Variants in TEX2 observed in about 807,000 individuals in gnomAD.
TEX2 encodes testis-expressed protein 2.
TEX2 carries 53 observed loss-of-function variants against 106.9 expected under a neutral mutation model. That is an observed-to-expected ratio of 0.50 (90% CI 0.40 to 0.62). The LOEUF is 0.62. Among genes scored for constraint, TEX2 ranks in the 20% least tolerant of loss-of-function variants. TEX2 has a pLI of 0.00. For synonymous variants in TEX2, 523 were observed against 534.8 expected, an observed-to-expected ratio of 0.98 and a Z score of 0.30; for missense variants, 1,207 against 1,379.0, an observed-to-expected ratio of 0.88 and a Z score of 1.98.
In TEX2 at chr17:64,225,551, C is replaced by A. The variant is rs367686122; in HGVS notation, c.-25-11309G>T. Among the ~76,000 whole-genome samples the A allele has an allele frequency of 5.5e-4, 83 of 152,202 alleles. No homozygotes were observed. In the South Asian group the frequency reaches 0.017, roughly 30 times the overall value. On this transcript the variant is annotated intron_variant, in intron 1 of 11. Transcript: ENST00000584379. ...GTACTTTTCACCAATCATTCCTAAACCGTAGGCTCTTGAGAAATCTGAAAA... is the reference window on the plus strand; with the variant it reads ...GTACTTTTCACCAATCATTCCTAAAACGTAGGCTCTTGAGAAATCTGAAAA...
intron 1 of TEX2, among the ~76,000 whole-genome samples, chr17:64,240,233 ATG>A (rs67965706): frequency 0.01 from 1,496 of 146,934 alleles, 9 homozygotes; most frequent in African/African-American, 0.02. Flanking sequence ...GTATATGCAG[ATG>A]TGTGTGTGTG....
rs746082100 is a variant in TEX2, at chr17:64,153,031, G to A, written c.3054C>T (p.Asn1018=). The A allele has an allele frequency of 1.4e-5, 22 of 1,614,076 alleles. No individual in the cohort carries two copies. The highest frequency in any genetic ancestry group is 1.2e-4 in the Admixed American group (7 of 60,004). ...FIKKKIEEVS[N]TPLLLTVEVQ... ...CTTCAACAGTGAGCAGCAGGGGTGT[G>A]TTGGAGACTTCTTCGATCTTCTTTT... Residue 1018 remains asparagine, a synonymous_variant, in exon 10 of 12, where the codon AAC becomes AAT. Transcript: ENST00000584379. The surrounding 1 kb of genome is among the most constrained non-coding windows in gnomAD (Gnocchi z 4.1).
intron 1 of TEX2, among the ~76,000 whole-genome samples, chr17:64,247,888 C>A (rs1273359715): frequency 6.6e-6 from 1 of 152,136 alleles, no homozygotes; most frequent in African/African-American, 2.4e-5. Context: ...TCCCCCTCCC[C>A]AAGATTAAAA....
chr17:64,225,218 G>A (rs1475379866), intron 1 of TEX2, among the ~76,000 whole-genome samples: 1 of 152,088 alleles, frequency 6.6e-6, no homozygotes, highest in Non-Finnish European at 1.5e-5. Flanking sequence ...CTGAGAAGCC[G>A]AGGCGGGAGG....
rs2143093224 is a variant in TEX2 at position 64,213,841 on chromosome 17, ACTTGTG to A, written c.371_376del (p.Ala124_Gln125del). ...CACAGCCAATGGCACTGTACTTAAT[ACTTGTG>A]CTGCTGGAACAGGGGACTCCAACAG... On this transcript the variant is annotated inframe_deletion, in exon 2 of 12. Transcript: ENST00000584379. This position sits in a 1 kb window ranked among gnomAD's most constrained non-coding sequence, Gnocchi z 4.4. 1 of 1,614,164 alleles carries A rather than the reference ACTTGTG, an allele frequency of 6.2e-7. No homozygotes were observed. The highest frequency in any genetic ancestry group is 1.1e-5 in the South Asian group (1 of 91,082).
At chr17:64,238,970 T>C (rs1300532007) in intron 1 of TEX2, among the ~76,000 whole-genome samples, 1 of 152,238 alleles carries the variant, frequency 6.6e-6, no homozygotes, top group Non-Finnish European at 1.5e-5. Flanking sequence ...TTAGCTTTTA[T>C]TGAAGATTTA....
chr17:64,251,573 C>CA (rs2034092771), intron 1 of TEX2, among the ~76,000 whole-genome samples: 1 of 152,198 alleles, frequency 6.6e-6, no homozygotes, highest in African/African-American at 2.4e-5. Flanking sequence ...TTCGTAACTT[C>CA]AAAGTTCCCG....
Position 64,188,197 on chromosome 17 carries a change from C to G in TEX2, c.2395G>C (p.Ala799Pro). ...TTCCCAGCTGTGGGGCTGCTCTCCG[C>G]ACTCTGCAGGGGGCTCCTCTGGGGG... ...RSPQRSPLQS[A>P]ESSPTAGKKL... Residue 799 changes from alanine (A) to proline (P), a missense_variant, in exon 5 of 12, where the codon GCG (alanine) becomes CCG (proline). Physicochemically the swap from Ala to Pro is conservative, Grantham distance 27. Around this residue, in one of 3 missense-constraint regions of TEX2, gnomAD observed 1,067 missense variants for 1,193.6 expected, o/e 0.89. Transcript: ENST00000584379. 1 of 1,611,330 alleles carries G rather than the reference C, an allele frequency of 6.2e-7. No homozygotes were observed. Among genetic ancestry groups the G allele is most frequent in the African/African-American group, 1.3e-5 (1 of 75,024 alleles).
intron 8 of TEX2, among the ~76,000 whole-genome samples, chr17:64,159,790 AT>A: frequency 6.6e-6 from 1 of 152,386 alleles, no homozygotes; most frequent in East Asian, 1.9e-4. Flanking sequence ...GTTAGATTGC[AT>A]ATAGCTGGTA....
chr17:64,208,214 C>CTTTA (rs1555631026), intron 2 of TEX2, among the ~76,000 whole-genome samples: 1 of 151,868 alleles, frequency 6.6e-6, no homozygotes, highest in East Asian at 1.9e-4. Context: ...TTAGGAAAAG[C>CTTTA]TTTACTGTTT....
intron 6 of TEX2, among the ~76,000 whole-genome samples, chr17:64,175,598 T>C (rs1676747549): frequency 6.6e-6 from 1 of 152,152 alleles, no homozygotes; most frequent in Non-Finnish European, 1.5e-5. Context: ...GTTGTTGTTG[T>C]TTTTAGAGAT....
chr17:64,174,698 G>C (rs544050930), intron 6 of TEX2, among the ~76,000 whole-genome samples: 4 of 152,320 alleles, frequency 2.6e-5, no homozygotes, highest in African/African-American at 9.6e-5. Context: ...AGGCTGGTGG[G>C]TGCTAAGTTA....
intron 7 of TEX2, among the ~76,000 whole-genome samples, chr17:64,165,523 G>A (rs1340498482): frequency 3.3e-5 from 5 of 152,240 alleles, no homozygotes; most frequent in Admixed American, 6.5e-5. Context: ...ACGTGCTAGA[G>A]TATGGCCCTG....
intron 7 of TEX2, among the ~76,000 whole-genome samples, chr17:64,162,093 A>C (rs2030915676): frequency 6.6e-6 from 1 of 152,182 alleles, no homozygotes; most frequent in Admixed American, 6.5e-5. Context: ...ATGGAAGGTA[A>C]TTATTTTCCA....
intron 8 of TEX2, among the ~76,000 whole-genome samples, chr17:64,156,876 G>C (rs987887324): frequency 6.6e-6 from 1 of 152,246 alleles, no homozygotes; most frequent in Non-Finnish European, 1.5e-5. Flanking sequence ...TCATCTGGCA[G>C]CTCCAACCCT....
chr17:64,194,773 C>G, intron 3 of TEX2, 122 bp downstream of exon 3: 1 of 844,222 alleles, frequency 1.2e-6, no homozygotes, highest in Non-Finnish European at 1.9e-6. Flanking sequence ...GTACTGTCCC[C>G]TAAGGTATAC....
chr17:64,205,126 T>G lies in TEX2; in HGVS notation c.1644+7448A>C, dbSNP rs944400516. ...CTCCAACTTCAACACAAGGGGTACC[T>G]TCTGGTAAGTGAGGGCTGCCTGCAT... On this transcript the variant is annotated intron_variant, in intron 2 of 11. Coordinates refer to ENST00000584379, the MANE Select transcript of TEX2 (RefSeq NM_001288732.2). This position sits in a 1 kb window ranked among gnomAD's most constrained non-coding sequence, Gnocchi z 4.0. Among the ~76,000 whole-genome samples, 7 of 152,300 alleles carry G rather than the reference T, an allele frequency of 4.6e-5. No homozygotes were observed. Among genetic ancestry groups the G allele is most frequent in the Non-Finnish European group, 5.9e-5 (4 of 68,024 alleles).
chr17:64,207,400 T>G (rs2032866578), intron 2 of TEX2, among the ~76,000 whole-genome samples: 1 of 152,156 alleles, frequency 6.6e-6, no homozygotes, highest in African/African-American at 2.4e-5. Context: ...GAGATCTCGG[T>G]CGCAGGCAGG....
At chr17:64,206,384 C>T (rs1489511119) in intron 2 of TEX2, among the ~76,000 whole-genome samples, 9 of 152,178 alleles carry the variant, frequency 5.9e-5, no homozygotes, top group Non-Finnish European at 1.0e-4. Context: ...ATACCATGTG[C>T]ATTCACATGC....
Sources: allele counts gnomAD v4.1 joint callset (sites outside exome capture counted in the v4.1 genomes callset), GRCh38; gene constraint gnomAD v4.1.1; regional missense constraint gnomAD v4.1.1; non-coding constraint Gnocchi (gnomAD v3.1); transcripts MANE v1.5; gene names NCBI Gene and HGNC (gene_info 2026-07-23, HGNC 2026-07-21).